The following NRP2 variants were observed in gnomAD, a reference collection of about 807,000 sequenced individuals.
The protein encoded by NRP2 is neuropilin-2.
NRP2 carries 52 observed loss-of-function variants against 110.4 expected under a neutral mutation model. The observed-to-expected ratio is 0.47, with a 90% CI of 0.38 to 0.59. The LOEUF (loss-of-function observed/expected upper bound fraction) is 0.59, where lower values mean the gene tolerates loss of function less well. Among genes scored for constraint, NRP2 ranks in the 20% least tolerant of loss-of-function variants. NRP2 has a pLI of 0.00. For missense variants in NRP2, 1,049 were observed against 1,203.0 expected (o/e 0.87, Z 1.89); for synonymous variants, 508 against 468.9 (o/e 1.08, Z -1.08).
chr2:205,758,777 A>C (rs1330338125), intron 12 of NRP2, among the ~76,000 whole-genome samples: 1 of 152,144 alleles, frequency 6.6e-6, no homozygotes, highest in Non-Finnish European at 1.5e-5. Flanking sequence ...TTTTCTTGGA[A>C]GCTGTCCATT....
chr2:205,690,405 G>C (rs921782858), intron 1 of NRP2, among the ~76,000 whole-genome samples: 6 of 151,908 alleles, frequency 3.9e-5, no homozygotes, highest in Non-Finnish European at 8.8e-5. Flanking sequence ...GGAGTGAAGG[G>C]GACAAAACCC....
intron 3 of NRP2, among the ~76,000 whole-genome samples, chr2:205,719,341 A>C (rs958359541): frequency 6.6e-6 from 1 of 152,188 alleles, no homozygotes; most frequent in Non-Finnish European, 1.5e-5. Flanking sequence ...TGGAAGGTTC[A>C]TGTCTGCCCT....
At chr2:205,709,757 T>C (rs1383254732) in intron 2 of NRP2, among the ~76,000 whole-genome samples, 2 of 152,162 alleles carry the variant, frequency 1.3e-5, no homozygotes, top group Admixed American at 1.3e-4. Context: ...CACTTACACT[T>C]GTGTGTAGGC....
At chr2:205,791,450 T>C (rs1029755547) in intron 15 of NRP2, among the ~76,000 whole-genome samples, 1 of 152,230 alleles carries the variant, frequency 6.6e-6, no homozygotes, top group African/African-American at 2.4e-5. Context: ...GACAGATAAC[T>C]TTCAGTGGTT....
At chr2:205,708,046 C>T (rs773639610) in intron 2 of NRP2, among the ~76,000 whole-genome samples, 8 of 152,220 alleles carry the variant, frequency 5.3e-5, no homozygotes, top group Non-Finnish European at 7.3e-5. Context: ...TTCACCTTTA[C>T]ACCTGCTAGT....
intron 12 of NRP2, among the ~76,000 whole-genome samples, chr2:205,753,529 C>A (rs2057686346): frequency 6.6e-6 from 1 of 152,120 alleles, no homozygotes; most frequent in African/African-American, 2.4e-5. Flanking sequence ...TGCTGTAAGT[C>A]CTGGATACAT....
In NRP2 at chr2:205,686,229, C is replaced by G. The variant is rs1049299075; in HGVS notation, c.73+2866C>G. Among the ~76,000 whole-genome samples the G allele has an allele frequency of 6.6e-6, 1 of 152,188 alleles. No homozygotes were observed. Among genetic ancestry groups the G allele is most frequent in the East Asian group, 1.9e-4 (1 of 5,184 alleles). On this transcript the variant is annotated intron_variant, in intron 1 of 16. Coordinates refer to ENST00000357785, the MANE Select transcript of NRP2 (RefSeq NM_003872.3). The surrounding 1 kb of genome is among the most constrained non-coding windows in gnomAD (Gnocchi z 4.7). ...ACTCCATGCTTGTGCCCTCCTCCTCCTCCTCCTCCTAAGGACACCCCCAGG... is the reference window on the plus strand; with the variant it reads ...ACTCCATGCTTGTGCCCTCCTCCTCGTCCTCCTCCTAAGGACACCCCCAGG...
chr2:205,778,952 A>T (rs1297674351), intron 15 of NRP2: 1 of 152,034 alleles, frequency 6.6e-6, no homozygotes, highest in African/African-American at 2.4e-5. Context: ...TTATCCAGGT[A>T]CTGTGCTAAA....
intron 10 of NRP2, among the ~76,000 whole-genome samples, chr2:205,746,692 T>C (rs535641646): frequency 7.2e-4 from 109 of 152,330 alleles, no homozygotes; most frequent in African/African-American, 2.6e-3. Context: ...GCCTGAGCTA[T>C]CCTGCCCTCC....
At chr2:205,720,262 CTTTTTT>C (rs202203741) in intron 3 of NRP2, among the ~76,000 whole-genome samples, 380 of 129,170 alleles carry the variant, frequency 2.9e-3, no homozygotes, top group Non-Finnish European at 3.6e-3. Context: ...TTTTTTCTTT[CTTTTTT>C]TTTTTTTTTT....
chr2:205,758,678 G>C (rs958382141), intron 12 of NRP2, among the ~76,000 whole-genome samples: 3 of 152,212 alleles, frequency 2.0e-5, no homozygotes, highest in African/African-American at 7.2e-5. Context: ...TCCCAAGTAT[G>C]TCAGGTCCAG....
intron 15 of NRP2, chr2:205,776,166 T>G: frequency 4.4e-6 from 6 of 1,352,926 alleles, no homozygotes; most frequent in Non-Finnish European, 6.3e-6. Context: ...ATGTGTGTGT[T>G]TCTTTCTTTT....
At chr2:205,765,655 C>A in intron 14 of NRP2, 85 bp downstream of exon 14, 1 of 1,166,942 alleles carries the variant, frequency 8.6e-7, no homozygotes, top group Non-Finnish European at 1.3e-6. Flanking sequence ...ACACCATTTT[C>A]CAATGCAGTC....
chr2:205,740,544 C>T lies in NRP2; in HGVS notation c.1172C>T (p.Thr391Ile). ...GTATTTCAAGCCAACAACGATGCAA[C>T]TGAGGTGGTTCTGAACAAGCTCCAC... Reference protein sequence around the residue: ...HKVFQANNDATEVVLNKLHAP... With the variant: ...HKVFQANNDAIEVVLNKLHAP... The change falls in exon 8 of 17, where the codon ACT (threonine) becomes ATT (isoleucine). Residue 391 changes from threonine (T) to isoleucine (I), a missense_variant. Transcript: ENST00000357785. 6.2e-7 allele frequency: 1 copy of T among 1,614,218 alleles called. No homozygotes were observed. Among genetic ancestry groups the T allele is most frequent in the Non-Finnish European group, 8.5e-7 (1 of 1,180,038 alleles).
rs1339981521 is a variant in NRP2 at position 205,686,717 on chromosome 2, A to G, written c.73+3354A>G. 6.6e-6 allele frequency among the ~76,000 whole-genome samples: 1 copy of G among 152,156 alleles called. No homozygotes were observed. Among genetic ancestry groups the G allele is most frequent in the Non-Finnish European group, 1.5e-5 (1 of 68,038 alleles). On this transcript the variant is annotated intron_variant, in intron 1 of 16. Coordinates refer to ENST00000357785, the MANE Select transcript of NRP2 (RefSeq NM_003872.3). This position sits in a 1 kb window ranked among gnomAD's most constrained non-coding sequence, Gnocchi z 4.7. ...GACCAAGTTTTAGGGGATCTTGCCC[A>G]TATGCGTTGCGGCTTCTGCGGCTCC...
chr2:205,781,011 G>T (rs2058168029), intron 15 of NRP2, among the ~76,000 whole-genome samples: 1 of 152,152 alleles, frequency 6.6e-6, no homozygotes, highest in Non-Finnish European at 1.5e-5. Flanking sequence ...AGTAAAGAAT[G>T]AAATAAAAAT....
At chr2:205,754,641 T>C (rs2057703940) in intron 12 of NRP2, among the ~76,000 whole-genome samples, 1 of 152,236 alleles carries the variant, frequency 6.6e-6, no homozygotes, top group Non-Finnish European at 1.5e-5. Flanking sequence ...CCTGGATTTT[T>C]CATTTCATTT....
intron 7 of NRP2, chr2:205,740,057 A>T (rs983892264): frequency 2.3e-5 from 6 of 264,858 alleles, no homozygotes; most frequent in Non-Finnish European, 3.7e-5. Flanking sequence ...TAACAAAAAC[A>T]ACCGTGAAGC....
rs750549184 is a variant in NRP2 at position 205,763,727 on chromosome 2, G to A, written c.2098G>A (p.Ala700Thr). 1 of 1,614,182 alleles carries A rather than the reference G, an allele frequency of 6.2e-7. No homozygotes were observed. The highest frequency in any genetic ancestry group is 8.5e-7 in the Non-Finnish European group (1 of 1,180,026). The change falls in exon 13 of 17, where the codon GCC (alanine) becomes ACC (threonine). Residue 700 changes from alanine to threonine, a missense_variant. Ala to Thr is a moderately conservative substitution (Grantham distance 58). Coordinates refer to ENST00000357785, the MANE Select transcript of NRP2 (RefSeq NM_003872.3). This position sits in a 1 kb window ranked among gnomAD's most constrained non-coding sequence, Gnocchi z 4.0. ...QSDSQREGQY[A>T]RLISPPVHLP... Reference sequence around the variant, plus strand: ...TGACAGCCAGAGAGAGGGCCAGTATGCCCGGCTCATCAGCCCCCCTGTCCA... The same window carrying A: ...TGACAGCCAGAGAGAGGGCCAGTATACCCGGCTCATCAGCCCCCCTGTCCA...
Sources: allele counts gnomAD v4.1 joint callset (sites outside exome capture counted in the v4.1 genomes callset), GRCh38; gene constraint gnomAD v4.1.1; non-coding constraint Gnocchi (gnomAD v3.1); transcripts MANE v1.5; gene names NCBI Gene and HGNC (gene_info 2026-07-23, HGNC 2026-07-21).